INTS9: variants seen among roughly 807,000 people sequenced by gnomAD.
INTS9 encodes the protein integrator complex subunit 9, also known as protein related to CPSF subunits of 74 kDa.
A neutral mutation model predicts 79.7 loss-of-function variants in INTS9; 55 were observed. The ratio of observed to expected loss-of-function variants is 0.69; its 90% CI spans 0.56 to 0.86. The LOEUF (loss-of-function observed/expected upper bound fraction) is 0.86, where lower values mean the gene tolerates loss of function less well. Among genes scored for constraint, INTS9 ranks in the 40% least tolerant of loss-of-function variants. The pLI is 0.00. For missense variants in INTS9, 721 were observed against 831.5 expected (o/e 0.87, Z 1.64); for synonymous variants, 319 against 325.2 (o/e 0.98, Z 0.20).
intron 2 of INTS9, among the ~76,000 whole-genome samples, chr8:28,852,294 CTTTT>C (rs3054476): frequency 9.6e-5 from 14 of 146,054 alleles, no homozygotes; most frequent in Admixed American, 1.3e-4. Context: ...CTGATAAACT[CTTTT>C]TTTTTTTTTT....
chr8:28,855,310 T>C (rs1808085847), intron 2 of INTS9, among the ~76,000 whole-genome samples: 1 of 152,276 alleles, frequency 6.6e-6, no homozygotes, highest in African/African-American at 2.4e-5. Flanking sequence ...TGAAGCCTGA[T>C]ACACTGAGAT....
chr8:28,771,248 C>G (rs1272220228), intron 14 of INTS9, 168 bp from the exon 15 acceptor site: 1 of 671,178 alleles, frequency 1.5e-6, no homozygotes. Flanking sequence ...GGTGACACAC[C>G]AAGTGCAGCC....
rs1180398042 is a variant in INTS9 at position 28,837,723 on chromosome 8, G to A, written c.315C>T (p.His105=). 3 of 1,614,022 alleles carry A rather than the reference G, an allele frequency of 1.9e-6. No homozygotes were observed. Among genetic ancestry groups the A allele is most frequent in the Non-Finnish European group, 8.5e-7 (1 of 1,179,930 alleles). ...TVDVILISNY[H]CMMALPYITE... ...TGATGTATGGCAGCGCCATCATACA[G>A]TGATAGTTAGAGATGAGAATCACAT... The change falls in exon 5 of 17, where the codon CAC becomes CAT. Residue 105 remains histidine (H), a synonymous_variant. Transcript: ENST00000521022.
chr8:28,778,218 T>C (rs1048569439), intron 12 of INTS9, among the ~76,000 whole-genome samples: 1 of 152,098 alleles, frequency 6.6e-6, no homozygotes, highest in East Asian at 1.9e-4. Context: ...AGAAAGCTCT[T>C]TTTACAACGA....
At chr8:28,787,135 A>G (rs138383979) in intron 11 of INTS9, among the ~76,000 whole-genome samples, 112 of 152,348 alleles carry the variant, frequency 7.4e-4, no homozygotes, top group African/African-American at 2.6e-3. Flanking sequence ...CAATAATAAC[A>G]TGAGACGCAG....
At position 28,812,447 on chromosome 8, in the gene INTS9, C is replaced by A. The variant is rs567572561; in HGVS notation, c.624G>T (p.Ala208=). Residue 208 remains alanine, a synonymous_variant, in exon 8 of 17, where the codon GCG becomes GCT. Transcript: ENST00000521022. ...GYSQKIELFG[A]VQVTPLSSGY... ...CAGAGCTCAGAGGAGTCACCTGGACCGCACCAAAAAGCTCCTAAAAGAGAA... is the reference window on the plus strand; with the variant it reads ...CAGAGCTCAGAGGAGTCACCTGGACAGCACCAAAAAGCTCCTAAAAGAGAA... 3.7e-6 allele frequency: 6 copies of A among 1,613,336 alleles called. No homozygotes were observed. Among genetic ancestry groups the A allele is most frequent in the Non-Finnish European group, 5.1e-6 (6 of 1,179,754 alleles).
At chr8:28,843,306 T>G (rs1807306941) in intron 4 of INTS9, among the ~76,000 whole-genome samples, 1 of 152,234 alleles carries the variant, frequency 6.6e-6, no homozygotes, top group African/African-American at 2.4e-5. Flanking sequence ...CCTTCCTCCT[T>G]TAAGTGTTAG....
chr8:28,773,465 A>G (rs75328539), intron 14 of INTS9, among the ~76,000 whole-genome samples: 1 of 4,728 alleles, frequency 2.1e-4, no homozygotes, highest in Non-Finnish European at 7.5e-4. Context: ...CTCCGTCTCA[A>G]AAAAAAAAAA....
chr8:28,849,827 A>G (rs1807728919), intron 3 of INTS9, among the ~76,000 whole-genome samples: 1 of 152,196 alleles, frequency 6.6e-6, no homozygotes, highest in Non-Finnish European at 1.5e-5. Flanking sequence ...TGAGGATTTT[A>G]AAAGTTATTC....
In INTS9 at chr8:28,793,735, T is replaced by G; in HGVS notation, c.1037+72A>C. ...AGTAATGTGAGAAAAAACAGGATTATTTTTATTCTTACTGCTTGAATGTCC... is the reference window on the plus strand; with the variant it reads ...AGTAATGTGAGAAAAAACAGGATTAGTTTTATTCTTACTGCTTGAATGTCC... On this transcript the variant is annotated intron_variant, in intron 10 of 16. Coordinates refer to ENST00000521022, the MANE Select transcript of INTS9 (RefSeq NM_018250.4). 4 of 1,282,306 alleles carry G rather than the reference T, an allele frequency of 3.1e-6. No individual in the cohort carries two copies. The South Asian group carries it at 7.2e-5, about 23-fold the overall frequency. 79.4% of individuals were successfully genotyped at this position (1,282,306 alleles called of 1,614,324 possible).
chr8:28,824,599 T>C (rs1226621521), intron 6 of INTS9, among the ~76,000 whole-genome samples: 1 of 152,198 alleles, frequency 6.6e-6, no homozygotes, highest in Non-Finnish European at 1.5e-5. Context: ...GAAGGCTGGC[T>C]GGCCCTGAGT....
At chr8:28,831,060 A>C (rs1452637259) in intron 6 of INTS9, among the ~76,000 whole-genome samples, 3 of 152,218 alleles carry the variant, frequency 2.0e-5, no homozygotes, top group African/African-American at 7.2e-5. Context: ...GACTCAACCA[A>C]AATGCCCATC....
At chr8:28,849,320 T>C (rs528198058) in intron 3 of INTS9, among the ~76,000 whole-genome samples, 15 of 152,312 alleles carry the variant, frequency 9.8e-5, no homozygotes, top group Admixed American at 3.3e-4. Flanking sequence ...TAGTCTTTCA[T>C]TTATTAAGTT....
intron 1 of INTS9, among the ~76,000 whole-genome samples, chr8:28,879,982 A>G (rs1809611711): frequency 6.6e-6 from 1 of 152,128 alleles, no homozygotes; most frequent in Non-Finnish European, 1.5e-5. Context: ...TCTGAAATCT[A>G]CTAAAAGTCA....
At chr8:28,782,546 TACAC>T (rs1197392995) in intron 11 of INTS9, among the ~76,000 whole-genome samples, 1 of 152,228 alleles carries the variant, frequency 6.6e-6, no homozygotes, top group Non-Finnish European at 1.5e-5. Context: ...CATGCACACA[TACAC>T]GCACACACAC....
chr8:28,786,727 T>C (rs1473798992), intron 11 of INTS9, among the ~76,000 whole-genome samples: 2 of 152,190 alleles, frequency 1.3e-5, no homozygotes, highest in Non-Finnish European at 2.9e-5. Flanking sequence ...TTTCTTTTTT[T>C]CTTTTTTTGA....
At chr8:28,769,835 C>T in intron 16 of INTS9, 54 bp downstream of exon 16, 1 of 1,601,134 alleles carries the variant, frequency 6.2e-7, no homozygotes, top group East Asian at 2.2e-5. Flanking sequence ...CATAGTGAGC[C>T]AGGGAAAGGC....
At chr8:28,809,415 A>G (rs1489146411) in intron 8 of INTS9, among the ~76,000 whole-genome samples, 1 of 152,182 alleles carries the variant, frequency 6.6e-6, no homozygotes, top group Non-Finnish European at 1.5e-5. Context: ...TCAAACCAAA[A>G]CTTTTCTCAT....
chr8:28,862,964 G>A (rs1163448277), intron 1 of INTS9, among the ~76,000 whole-genome samples: 19 of 152,200 alleles, frequency 1.2e-4, no homozygotes, highest in Non-Finnish European at 2.8e-4. Context: ...GACTGTTAAG[G>A]TGCAGTAATA....
Sources: allele counts gnomAD v4.1 joint callset (sites outside exome capture counted in the v4.1 genomes callset), GRCh38; gene constraint gnomAD v4.1.1; transcripts MANE v1.5; gene names NCBI Gene and HGNC (gene_info 2026-07-23, HGNC 2026-07-21).